Variants in CNTN5 observed in about 807,000 individuals in gnomAD.
CNTN5 encodes contactin-5.
A neutral mutation model predicts 129.1 loss-of-function variants in CNTN5; 77 were observed. The ratio of observed to expected loss-of-function variants is 0.60; its 90% CI spans 0.50 to 0.72. The LOEUF (loss-of-function observed/expected upper bound fraction) is 0.72. CNTN5 is among the 30% of genes least tolerant of loss of function. The pLI, the probability that CNTN5 is intolerant of heterozygous loss-of-function variation, is 0.00. For synonymous variants in CNTN5, 509 were observed against 465.6 expected (o/e 1.09, Z -1.20); for missense variants, 1,478 against 1,328.8 (o/e 1.11, Z -1.75).
chr11:99,902,511 A>G (rs982818777), intron 6 of CNTN5, among the ~76,000 whole-genome samples: 2 of 152,148 alleles, frequency 1.3e-5, no homozygotes, highest in African/African-American at 4.8e-5. Flanking sequence ...GTAAATAGAC[A>G]TATTAGTCCT....
intron 6 of CNTN5, among the ~76,000 whole-genome samples, chr11:99,914,156 G>A (rs1244290561): frequency 1.3e-5 from 2 of 152,014 alleles, no homozygotes; most frequent in African/African-American, 4.8e-5. Context: ...AGGATTTCTT[G>A]ACCCCAGGAT....
chr11:99,282,678 GAA>G (rs1863753451), intron 1 of CNTN5, among the ~76,000 whole-genome samples: 1 of 152,042 alleles, frequency 6.6e-6, no homozygotes, highest in Non-Finnish European at 1.5e-5. Context: ...AGCAAACACA[GAA>G]AAGTTACCAC....
At chr11:99,775,653 T>C (rs1355866340) in intron 3 of CNTN5, among the ~76,000 whole-genome samples, 2 of 152,028 alleles carry the variant, frequency 1.3e-5, no homozygotes, top group Non-Finnish European at 2.9e-5. Flanking sequence ...AACTATTGGA[T>C]GTATTAGATA....
intron 1 of CNTN5, among the ~76,000 whole-genome samples, chr11:99,175,464 A>G (rs2135550726): frequency 6.6e-6 from 1 of 152,210 alleles, no homozygotes; most frequent in Admixed American, 6.5e-5. Context: ...CTAGAAGGAA[A>G]GGAAACAGGA....
intron 3 of CNTN5, among the ~76,000 whole-genome samples, chr11:99,779,748 C>T (rs1354613232): frequency 6.6e-6 from 1 of 151,914 alleles, no homozygotes; most frequent in Non-Finnish European, 1.5e-5. Flanking sequence ...GTTTACTGCT[C>T]AAAGGAAGTT....
At chr11:100,224,649 C>A (rs756382911) in intron 15 of CNTN5, 43 bp from the exon 16 acceptor site, 2 of 1,582,736 alleles carry the variant, frequency 1.3e-6, no homozygotes, top group Admixed American at 1.7e-5. Context: ...TTGAACTAGG[C>A]AGATTTGCAA....
chr11:100,218,298 G>A (rs1031545224), intron 15 of CNTN5, among the ~76,000 whole-genome samples: 8 of 152,036 alleles, frequency 5.3e-5, no homozygotes, highest in African/African-American at 7.2e-5. Flanking sequence ...ATCAGCATAC[G>A]CTAAAAAAAG....
At chr11:99,890,904 C>T (rs896678651) in intron 6 of CNTN5, among the ~76,000 whole-genome samples, 1 of 152,090 alleles carries the variant, frequency 6.6e-6, no homozygotes, top group African/African-American at 2.4e-5. Context: ...CTTTCTCTCT[C>T]AAACCAATAT....
chr11:99,804,241 T>C (rs1255024295), intron 3 of CNTN5, among the ~76,000 whole-genome samples: 1 of 152,112 alleles, frequency 6.6e-6, no homozygotes, highest in Admixed American at 6.5e-5. Flanking sequence ...AGTTACTTGA[T>C]AAGTTGATTA....
At chr11:99,612,187 G>C (rs2019576) in intron 3 of CNTN5, among the ~76,000 whole-genome samples, 2 of 151,946 alleles carry the variant, frequency 1.3e-5, no homozygotes, top group South Asian at 4.2e-4. Context: ...ATTGTTCAAC[G>C]GAATGTTCAA....
chr11:99,657,796 TAAA>T (rs369358483), intron 3 of CNTN5, among the ~76,000 whole-genome samples: 2 of 152,062 alleles, frequency 1.3e-5, no homozygotes, highest in Non-Finnish European at 2.9e-5. Flanking sequence ...CAGGAGAACA[TAAA>T]AAATTCAAGG....
chr11:99,641,629 G>C (rs970611027), intron 3 of CNTN5, among the ~76,000 whole-genome samples: 1 of 152,020 alleles, frequency 6.6e-6, no homozygotes, highest in Admixed American at 6.6e-5. Flanking sequence ...AAGAGATGTC[G>C]GCTAATGGGG....
At chr11:99,913,308 T>A (rs1049210099) in intron 6 of CNTN5, among the ~76,000 whole-genome samples, 2 of 152,062 alleles carry the variant, frequency 1.3e-5, no homozygotes, top group African/African-American at 4.8e-5. Context: ...TCAACCATCA[T>A]CTTGCTTGGT....
At chr11:100,344,536 A>G (rs1453608828) in intron 23 of CNTN5, among the ~76,000 whole-genome samples, 1 of 152,152 alleles carries the variant, frequency 6.6e-6, no homozygotes, top group African/African-American at 2.4e-5. Context: ...CATGGGTACA[A>G]ATATACTATA....
intron 3 of CNTN5, among the ~76,000 whole-genome samples, chr11:99,667,355 T>A (rs73551451): frequency 9.7e-4 from 148 of 152,298 alleles, no homozygotes; most frequent in African/African-American, 3.4e-3. Flanking sequence ...TCCTGAGTTA[T>A]GTATAATAAA....
chr11:99,888,751 C>T (rs1948966835), intron 6 of CNTN5, among the ~76,000 whole-genome samples: 3 of 152,190 alleles, frequency 2.0e-5, no homozygotes, highest in Non-Finnish European at 1.5e-5. Flanking sequence ...ACATTATCCT[C>T]AGTGCTCTCA....
intron 18 of CNTN5, among the ~76,000 whole-genome samples, chr11:100,286,084 G>T (rs547119015): frequency 6.6e-5 from 10 of 152,220 alleles, no homozygotes; most frequent in East Asian, 1.9e-4. Context: ...ATTATATCCC[G>T]CACCTGGCTG....
intron 2 of CNTN5, among the ~76,000 whole-genome samples, chr11:99,413,702 T>C (rs1484035905): frequency 6.6e-6 from 1 of 152,168 alleles, no homozygotes; most frequent in African/African-American, 2.4e-5. Context: ...TAATCTTGTT[T>C]CAAAATTCGT....
chr11:99,881,924 T>G (rs1275342629), intron 6 of CNTN5, among the ~76,000 whole-genome samples: 3 of 152,188 alleles, frequency 2.0e-5, no homozygotes, highest in Non-Finnish European at 1.5e-5. Context: ...TAGATCACAG[T>G]CTTAGCTATT....
Sources: allele counts gnomAD v4.1 joint callset (sites outside exome capture counted in the v4.1 genomes callset), GRCh38; gene constraint gnomAD v4.1.1; transcripts MANE v1.5; gene names NCBI Gene and HGNC (gene_info 2026-07-23, HGNC 2026-07-21).